Variants in VAV3 observed in about 807,000 individuals in gnomAD.
VAV3 encodes guanine nucleotide exchange factor VAV3.
Under a neutral mutation model 131.2 loss-of-function variants are expected in VAV3, and 94 were observed. The observed-to-expected ratio is 0.72, with a 90% CI of 0.61 to 0.85. VAV3 has a LOEUF of 0.85. VAV3 is among the 40% of genes least tolerant of loss of function. The pLI, the probability that VAV3 is intolerant of heterozygous loss-of-function variation, is 0.00. For missense variants in VAV3, 939 were observed against 1,002.7 expected (o/e 0.94, Z 0.86); for synonymous variants, 349 against 342.0 (o/e 1.02, Z -0.22).
At chr1:107,846,077 C>T (rs1046498976) in intron 2 of VAV3, among the ~76,000 whole-genome samples, 1 of 152,148 alleles carries the variant, frequency 6.6e-6, no homozygotes, top group Non-Finnish European at 1.5e-5. Context: ...CAAAGGGAAG[C>T]CCATCAGACT....
chr1:107,788,765 T>TA (rs1666144217), intron 2 of VAV3, among the ~76,000 whole-genome samples: 2 of 152,198 alleles, frequency 1.3e-5, no homozygotes, highest in Admixed American at 1.3e-4. Flanking sequence ...ACGCAAATGA[T>TA]AAAGAATTGT....
intron 25 of VAV3, among the ~76,000 whole-genome samples, chr1:107,575,026 C>T (rs1394726753): frequency 0.45 from 43,581 of 96,578 alleles, 7,203 homozygotes; most frequent in East Asian, 0.62. Context: ...CACACGCGCG[C>T]GTGTTTAATA....
chr1:107,780,624 T>C (rs1271632642), intron 2 of VAV3, among the ~76,000 whole-genome samples: 1 of 152,196 alleles, frequency 6.6e-6, no homozygotes, highest in Middle Eastern at 3.2e-3. Context: ...CAAGTGATTG[T>C]CATGCCTCAG....
At chr1:107,652,544 C>G (rs1656249276) in intron 19 of VAV3, among the ~76,000 whole-genome samples, 1 of 152,096 alleles carries the variant, frequency 6.6e-6, no homozygotes, top group Non-Finnish European at 1.5e-5. Flanking sequence ...GTAACAGGTC[C>G]AGCCAAGGCA....
At chr1:107,622,558 T>C (rs1653688481) in intron 20 of VAV3, among the ~76,000 whole-genome samples, 1 of 152,204 alleles carries the variant, frequency 6.6e-6, no homozygotes, top group Admixed American at 6.5e-5. Context: ...GGAGCCTTAA[T>C]GCACTCCTGG....
rs1259245066 is a variant in VAV3, at chr1:107,756,179, TG to T, written c.1087-667del. ...CCATGTGCCTTCACCTATTTTAAAATGTCTTTTCTCATATTTGAGGAAACAT... is the reference window on the plus strand; with the variant it reads ...CCATGTGCCTTCACCTATTTTAAAATTCTTTTCTCATATTTGAGGAAACAT... On this transcript the variant is annotated intron_variant, in intron 11 of 26. Transcript: ENST00000370056. 8.9e-4 allele frequency among the ~76,000 whole-genome samples: 135 copies of T among 152,302 alleles called. 1 individual carries two copies. The highest frequency in any genetic ancestry group is 3.2e-3 in the African/African-American group (135 of 41,558).
At chr1:107,738,074 G>A (rs1662776793) in intron 15 of VAV3, among the ~76,000 whole-genome samples, 1 of 152,128 alleles carries the variant, frequency 6.6e-6, no homozygotes, top group Admixed American at 6.5e-5. Flanking sequence ...GATGAAGCTG[G>A]AGCCATCATT....
At chr1:107,617,086 A>C (rs1453942422) in intron 21 of VAV3, among the ~76,000 whole-genome samples, 2 of 152,208 alleles carry the variant, frequency 1.3e-5, no homozygotes, top group Non-Finnish European at 2.9e-5. Flanking sequence ...AAATTCCATT[A>C]TGACATTATA....
chr1:107,840,362 T>C (rs1473346832), intron 2 of VAV3, among the ~76,000 whole-genome samples: 1 of 152,194 alleles, frequency 6.6e-6, no homozygotes, highest in East Asian at 1.9e-4. Flanking sequence ...TGCAAAGACC[T>C]TTCTTGATTG....
chr1:107,679,144 C>T (rs753812473), intron 19 of VAV3, among the ~76,000 whole-genome samples: 3 of 151,986 alleles, frequency 2.0e-5, no homozygotes, highest in Non-Finnish European at 4.4e-5. Flanking sequence ...ATGAGAATGG[C>T]GTTATATGTC....
rs142147685 is a variant in VAV3, at chr1:107,893,588, C to T, written c.205-18571G>A. Among the ~76,000 whole-genome samples the T allele has an allele frequency of 2.6e-3, 395 of 152,124 alleles. 1 individual carries two copies. The highest frequency in any genetic ancestry group is 8.8e-3 in the African/African-American group (366 of 41,498). ...GATGGCAGCAGGCAAAAAAAGCTTC[C>T]GGAGGGAAACTCTCCTTTATAAAAC... On this transcript the variant is annotated intron_variant, in intron 1 of 26. Coordinates refer to ENST00000370056, the MANE Select transcript of VAV3 (RefSeq NM_006113.5).
At chr1:107,621,249 G>T (rs4915059) in intron 20 of VAV3, among the ~76,000 whole-genome samples, 82,357 of 151,888 alleles carry the variant, frequency 0.54, 22,563 homozygotes, top group East Asian at 0.68. Flanking sequence ...TAGGCATTCT[G>T]TAGATGACAG....
chr1:107,649,607 C>A (rs1656008613), intron 19 of VAV3, among the ~76,000 whole-genome samples: 1 of 151,962 alleles, frequency 6.6e-6, no homozygotes, highest in South Asian at 2.1e-4. Context: ...ACCCAGCTCC[C>A]AGAGCAACTG....
intron 21 of VAV3, among the ~76,000 whole-genome samples, chr1:107,616,294 G>A (rs1653147934): frequency 1.3e-5 from 2 of 152,148 alleles, no homozygotes; most frequent in African/African-American, 2.4e-5. Context: ...GCAGCAGCAT[G>A]GGTGGAGCTG....
At chr1:107,901,018 T>G (rs558937196) in intron 1 of VAV3, among the ~76,000 whole-genome samples, 3 of 152,274 alleles carry the variant, frequency 2.0e-5, no homozygotes, top group Admixed American at 2.0e-4. Flanking sequence ...AATCAAACAA[T>G]TGGCAATAAG....
At chr1:107,767,033 C>T (rs1664770474) in intron 7 of VAV3, among the ~76,000 whole-genome samples, 3 of 152,078 alleles carry the variant, frequency 2.0e-5, no homozygotes, top group Admixed American at 2.0e-4. Flanking sequence ...GTCCAAGTGC[C>T]TAATGTTTTA....
chr1:107,777,412 C>T, intron 3 of VAV3, 116 bp from the exon 4 acceptor site: 1 of 881,052 alleles, frequency 1.1e-6, no homozygotes, highest in Admixed American at 2.2e-5. Context: ...CCAAAATGGT[C>T]AGATCAGTCA....
chr1:107,834,969 A>G (rs1668406093), intron 2 of VAV3, among the ~76,000 whole-genome samples: 1 of 152,172 alleles, frequency 6.6e-6, no homozygotes, highest in Admixed American at 6.5e-5. Context: ...AGAAAGAGAC[A>G]GAGCTCCAGC....
intron 19 of VAV3, among the ~76,000 whole-genome samples, chr1:107,673,236 G>T (rs569465180): frequency 9.9e-4 from 151 of 152,280 alleles, no homozygotes; most frequent in Non-Finnish European, 1.8e-3. Context: ...AGTCCTAGCT[G>T]CCCATGTCAC....
Sources: gnomAD v4.1 joint callset for allele counts (sites outside exome capture counted in the v4.1 genomes callset) on GRCh38, gnomAD v4.1.1 for gene constraint, MANE v1.5 for transcripts, NCBI Gene and HGNC (gene_info 2026-07-23, HGNC 2026-07-21) for gene names.